ARHGEF4: variants seen among roughly 807,000 people sequenced by gnomAD.
The protein encoded by ARHGEF4 is APC-stimulated guanine nucleotide exchange factor 1.
A neutral mutation model predicts 162.0 loss-of-function variants in ARHGEF4; 119 were observed. The observed-to-expected ratio is 0.73, with a 90% CI of 0.63 to 0.86. The LOEUF (loss-of-function observed/expected upper bound fraction) is 0.86. Among genes scored for constraint, ARHGEF4 ranks in the 40% least tolerant of loss-of-function variants. The pLI, the probability that ARHGEF4 is intolerant of heterozygous loss-of-function variation, is 0.00. For missense variants in ARHGEF4, 2,488 were observed against 2,456.0 expected (o/e 1.01, Z -0.28); for synonymous variants, 1,014 against 979.9 (o/e 1.03, Z -0.65).
intron 5 of ARHGEF4, among the ~76,000 whole-genome samples, chr2:131,028,536 C>G (rs1689629191): frequency 6.6e-6 from 1 of 152,196 alleles, no homozygotes; most frequent in South Asian, 2.1e-4. Flanking sequence ...ATTGCTGTTG[C>G]TATGACAACT....
intron 4 of ARHGEF4, among the ~76,000 whole-genome samples, chr2:131,022,453 A>G (rs1689192991): frequency 6.6e-6 from 1 of 152,094 alleles, no homozygotes; most frequent in African/African-American, 2.4e-5. Flanking sequence ...ACAACAGTTC[A>G]TGGTATTCTC....
intron 1 of ARHGEF4, among the ~76,000 whole-genome samples, chr2:130,855,893 AC>A (rs377005184): frequency 2.6e-5 from 4 of 152,262 alleles, no homozygotes; most frequent in African/African-American, 9.6e-5. Context: ...AACCCACAGG[AC>A]AAGTATTAGT....
intron 1 of ARHGEF4, among the ~76,000 whole-genome samples, chr2:130,876,768 G>A (rs1221092893): frequency 1.3e-5 from 2 of 152,172 alleles, no homozygotes; most frequent in African/African-American, 4.8e-5. Context: ...GAGAGTTAAA[G>A]TAACTTGCCC....
At chr2:130,888,972 G>A (rs1679686193) in intron 1 of ARHGEF4, among the ~76,000 whole-genome samples, 1 of 151,892 alleles carries the variant, frequency 6.6e-6, no homozygotes, top group African/African-American at 2.4e-5. Context: ...GGGCATGGTG[G>A]TAGGCATCTG....
chr2:130,889,999 C>G (rs1679768709), intron 1 of ARHGEF4, among the ~76,000 whole-genome samples: 1 of 151,994 alleles, frequency 6.6e-6, no homozygotes, highest in Non-Finnish European at 1.5e-5. Context: ...TTTTCCTCCT[C>G]TGGCTGAATT....
intron 1 of ARHGEF4, among the ~76,000 whole-genome samples, chr2:130,896,249 G>A (rs921994472): frequency 6.6e-6 from 1 of 152,102 alleles, no homozygotes; most frequent in Non-Finnish European, 1.5e-5. Context: ...TCTTTCTGTT[G>A]TTCTAGAATA....
At chr2:130,907,055 C>A (rs891905868) in intron 1 of ARHGEF4, among the ~76,000 whole-genome samples, 1 of 152,114 alleles carries the variant, frequency 6.6e-6, no homozygotes, top group Admixed American at 6.5e-5. Flanking sequence ...CCCTTGGAAA[C>A]CCTTGATCTG....
At chr2:131,031,965 C>T (rs894869152) in intron 5 of ARHGEF4, among the ~76,000 whole-genome samples, 6 of 152,202 alleles carry the variant, frequency 3.9e-5, no homozygotes, top group Admixed American at 6.5e-5. Flanking sequence ...GCTGCCAGTG[C>T]GAGCCATGAT....
Position 131,043,531 on chromosome 2 carries a change from G to C in ARHGEF4, c.5105G>C (p.Ser1702Thr), listed in dbSNP as rs1690984377. ...CGAGTTACACAGCCTCAAGCCAAAA[G>C]CCAGCAGCGAATGTTCTTTCTCTTT... ...LTRVTQPQAK[S>T]QQRMFFLFDH... is the part of the protein sequence containing the mutation. The change falls in exon 11 of 14, where the codon AGC becomes ACC. Residue 1702 changes from serine (S) to threonine (T), a missense_variant. Transcript: ENST00000409359. 1 of 1,614,132 alleles carries C rather than the reference G, an allele frequency of 6.2e-7. No individual in the cohort carries two copies. Among genetic ancestry groups the C allele is most frequent in the South Asian group, 1.1e-5 (1 of 91,088 alleles).
At chr2:130,913,943 T>A in intron 1 of ARHGEF4, 43 bp from the exon 2 acceptor site, 1 of 1,534,800 alleles carries the variant, frequency 6.5e-7, no homozygotes, top group Non-Finnish European at 8.7e-7. Context: ...TGCACAGATG[T>A]ACTCAGGCCT....
At chr2:130,990,100 T>C (rs578050904) in intron 4 of ARHGEF4, among the ~76,000 whole-genome samples, 1 of 152,346 alleles carries the variant, frequency 6.6e-6, no homozygotes, top group South Asian at 2.1e-4. Context: ...TAATGATCCC[T>C]GGATAGTAAC....
intron 1 of ARHGEF4, among the ~76,000 whole-genome samples, chr2:130,864,083 G>C (rs1419977685): frequency 6.6e-6 from 1 of 151,690 alleles, no homozygotes; most frequent in Non-Finnish European, 1.5e-5. Flanking sequence ...CTACTCGGGA[G>C]GCCGAGGCAG....
At chr2:130,847,602 G>A (rs1462127757) in intron 1 of ARHGEF4, among the ~76,000 whole-genome samples, 2 of 152,150 alleles carry the variant, frequency 1.3e-5, no homozygotes, top group African/African-American at 2.4e-5. Context: ...CAATGCTGTG[G>A]CCCCAGCTGC....
intron 2 of ARHGEF4, among the ~76,000 whole-genome samples, chr2:130,919,508 G>A (rs575726287): frequency 4.6e-5 from 7 of 152,148 alleles, no homozygotes; most frequent in Non-Finnish European, 1.0e-4. Flanking sequence ...AGACATTTTA[G>A]TGTTAGGCAA....
intron 1 of ARHGEF4, among the ~76,000 whole-genome samples, chr2:130,870,346 A>C (rs1430241024): frequency 6.6e-6 from 1 of 152,182 alleles, no homozygotes; most frequent in Non-Finnish European, 1.5e-5. Flanking sequence ...AGCAACGGGC[A>C]TGCTGAGATG....
intron 4 of ARHGEF4, among the ~76,000 whole-genome samples, chr2:131,013,671 G>T (rs1178983342): frequency 2.0e-5 from 3 of 152,172 alleles, no homozygotes; most frequent in African/African-American, 7.2e-5. Context: ...TGCGATCTTG[G>T]CTCACTGCAA....
At chr2:130,897,493 G>A (rs1680230951) in intron 1 of ARHGEF4, among the ~76,000 whole-genome samples, 1 of 152,208 alleles carries the variant, frequency 6.6e-6, no homozygotes, top group African/African-American at 2.4e-5. Context: ...GTAATGTGGG[G>A]CCTGGCGGGA....
intron 1 of ARHGEF4, among the ~76,000 whole-genome samples, chr2:130,909,249 G>A (rs1354692878): frequency 2.0e-5 from 3 of 152,170 alleles, no homozygotes; most frequent in African/African-American, 4.8e-5. Context: ...GTGAGAAGCC[G>A]GAAACTGGGA....
In ARHGEF4 at chr2:131,043,572, T is replaced by A. The variant is rs750383856; in HGVS notation, c.5146T>A (p.Tyr1716Asn). The A allele has an allele frequency of 7.4e-6, 12 of 1,613,920 alleles. No individual in the cohort carries two copies. The East Asian group carries it at 2.7e-4, about 36-fold the overall frequency. ...MFFLFDHQLI[Y>N]CKKDLLRRDV... is the part of the protein sequence containing the mutation. ...CTTTCTCTTTGACCACCAGCTCATC[T>A]ACTGTAAGAAGGTACCAGAGCTGCT... Residue 1716 changes from tyrosine (Y) to asparagine (N), a missense_variant, in exon 11 of 14, where the codon TAC becomes AAC. Physicochemically the swap from Tyr to Asn is moderately radical, Grantham distance 143. Around this residue, in one of 6 missense-constraint regions of ARHGEF4, gnomAD observed 415 missense variants for 512.4 expected, o/e 0.81. Coordinates refer to ENST00000409359, the MANE Select transcript of ARHGEF4 (RefSeq NM_001367493.1).
Sources: allele counts gnomAD v4.1 joint callset (sites outside exome capture counted in the v4.1 genomes callset), GRCh38; gene constraint gnomAD v4.1.1; regional missense constraint gnomAD v4.1.1; transcripts MANE v1.5; gene names NCBI Gene and HGNC (gene_info 2026-07-23, HGNC 2026-07-21).